Variants in STK11IP observed in about 807,000 individuals in gnomAD.
STK11IP encodes the protein serine/threonine-protein kinase 11-interacting protein.
A neutral mutation model predicts 131.7 loss-of-function variants in STK11IP; 103 were observed. The observed-to-expected ratio is 0.78, with a 90% confidence interval of 0.67 to 0.92. The LOEUF is 0.92. STK11IP is among the 40% of genes least tolerant of loss of function. The probability of loss-of-function intolerance (pLI) is 0.00; values close to 1 mark genes in which losing one functional copy is unlikely to be tolerated. For missense variants in STK11IP, 1,315 were observed against 1,385.7 expected, an observed-to-expected ratio of 0.95 and a Z score of 0.81; for synonymous variants, 557 against 575.6, an observed-to-expected ratio of 0.97 and a Z score of 0.46.
At chr2:219,610,949 G>A (rs1313301114) in intron 17 of STK11IP, among the ~76,000 whole-genome samples, 1 of 152,184 alleles carries the variant, frequency 6.6e-6, no homozygotes, top group East Asian at 1.9e-4. Flanking sequence ...GAGTTTCTCT[G>A]GTGATGAAAT....
intron 21 of STK11IP, 87 bp from the exon 22 acceptor site, chr2:219,614,074 T>C: frequency 1.3e-6 from 2 of 1,554,272 alleles, no homozygotes; most frequent in Non-Finnish European, 1.8e-6. Context: ...TCCAGAAATG[T>C]GGAGAATAGG....
Position 219,614,390 on chromosome 2 carries a change from C to T in STK11IP, c.2799-86C>T. On this transcript the variant is annotated intron_variant, in intron 22 of 24. Coordinates refer to ENST00000456909, the MANE Select transcript of STK11IP (RefSeq NM_052902.4). Reference sequence around the variant, plus strand: ...GGCCCCTAGTGTCTCCTCCCAACCCCCTGCAGGGCTTTCTTCCCACTCCCC... The same window carrying T: ...GGCCCCTAGTGTCTCCTCCCAACCCTCTGCAGGGCTTTCTTCCCACTCCCC... 5 of 1,541,212 alleles carry T rather than the reference C, an allele frequency of 3.2e-6. No homozygotes were observed. In the South Asian group the frequency reaches 4.6e-5, roughly 14 times the overall value.
chr2:219,608,105 C>G lies in STK11IP; in HGVS notation c.1278C>G (p.Phe426Leu). ...TCATGAGCAGCTTCCGGGAACGGTTCGGCCGCAACTGGCTGCAGTACAGGA... is the reference window on the plus strand; with the variant it reads ...TCATGAGCAGCTTCCGGGAACGGTTGGGCCGCAACTGGCTGCAGTACAGGA... ...LELMSSFRER[F>L]GRNWLQYRSH... The change falls in exon 14 of 25, where the codon TTC (phenylalanine) becomes TTG (leucine). Residue 426 changes from phenylalanine (F) to leucine (L), a missense_variant. Transcript: ENST00000456909. 9 of 1,613,068 alleles carry G rather than the reference C, an allele frequency of 5.6e-6. No individual in the cohort carries two copies. Among genetic ancestry groups the G allele is most frequent in the Non-Finnish European group, 7.6e-6 (9 of 1,179,876 alleles).
chr2:219,608,476 G>T (rs761853342), intron 14 of STK11IP, 46 bp downstream of exon 14: 17 of 1,533,456 alleles, frequency 1.1e-5, no homozygotes, highest in African/African-American at 1.4e-5. Flanking sequence ...GGGGCCCTTG[G>T]GATGTTTGTG....
Position 219,601,235 on chromosome 2 carries a change from G to C in STK11IP, c.62G>C (p.Gly21Ala). 6.2e-7 allele frequency: 1 copy of C among 1,604,846 alleles called. No homozygotes were observed. Among genetic ancestry groups the C allele is most frequent in the Non-Finnish European group, 8.5e-7 (1 of 1,173,936 alleles). ...WKLAGLLRES[G>A]DVVLSGCSTL... ...CTCCTGTTTGCCCCTTTTTCTGCAG[G>C]GGATGTGGTCCTGTCTGGCTGTAGC... The change falls in exon 3 of 25, where the codon GGG (glycine) becomes GCG (alanine). Residue 21 changes from glycine (G) to alanine (A), a missense_variant and splice_region_variant. Gly to Ala is a moderately conservative substitution (Grantham distance 60). Coordinates refer to ENST00000456909, the MANE Select transcript of STK11IP (RefSeq NM_052902.4).
intron 4 of STK11IP, 88 bp downstream of exon 4, chr2:219,601,803 G>C: frequency 7.6e-6 from 11 of 1,441,378 alleles, no homozygotes; most frequent in Non-Finnish European, 1.1e-5. Flanking sequence ...TCTTTGGTGA[G>C]GAGGCCAGGC....
chr2:219,609,081 C>T lies in STK11IP; in HGVS notation c.1810-16C>T. On this transcript the variant is annotated splice_polypyrimidine_tract_variant and intron_variant, in intron 15 of 24. Transcript: ENST00000456909. ...GCCCCTGCTGTTTTTCACCCGGTCC[C>T]CCTCTTGCTGCGCAGGGCTCAGATC... The T allele has an allele frequency of 1.3e-6, 2 of 1,561,028 alleles. No individual in the cohort carries two copies. Among genetic ancestry groups the T allele is most frequent in the Non-Finnish European group, 1.7e-6 (2 of 1,147,786 alleles).
chr2:219,610,251 CATG>C, intron 17 of STK11IP: 1 of 153,290 alleles, frequency 6.5e-6, no homozygotes, highest in Non-Finnish European at 1.5e-5. Context: ...CTGGCCTGGG[CATG>C]CAGCCTTAGT....
chr2:219,613,235 AGGGGAGATGCAGTGAGTAAGG>A lies in STK11IP; in HGVS notation c.2537+20_2537+40del. On this transcript the variant is annotated intron_variant, in intron 20 of 24. Coordinates refer to ENST00000456909, the MANE Select transcript of STK11IP (RefSeq NM_052902.4). ...TGACTGGGGAGATGCGGTGAGTGAG[AGGGGAGATGCAGTGAGTAAGG>A]GGGGAGATGGGGTGAGTTGGGGGGA... The A allele has an allele frequency of 8.2e-7, 1 of 1,219,216 alleles. No individual in the cohort carries two copies. Among genetic ancestry groups the A allele is most frequent in the Non-Finnish European group, 1.1e-6 (1 of 880,928 alleles). The allele number at this position is 1,219,216 out of a possible 1,614,324, so 75.5% of individuals were successfully genotyped here.
rs779994407 is a variant in STK11IP at position 219,597,895 on chromosome 2, C to G, written c.-55C>G. 2 of 1,610,364 alleles carry G rather than the reference C, an allele frequency of 1.2e-6. No individual in the cohort carries two copies. The highest frequency in any genetic ancestry group is 3.4e-5 in the Admixed American group (2 of 59,516). On this transcript the variant is annotated 5_prime_UTR_variant, in exon 1 of 25. Transcript: ENST00000456909. The stretch of plus-strand genomic sequence containing the variant: ...CATTGATAGGCGCCGGGCAGCTGAG[C>G]TGGTAGGAGGACCAGACGGGGAGGT...
At chr2:219,614,391 C>T (rs1030926976) in intron 22 of STK11IP, 85 bp from the exon 23 acceptor site, 2 of 1,544,186 alleles carry the variant, frequency 1.3e-6, no homozygotes, top group African/African-American at 1.4e-5. Flanking sequence ...TCCCAACCCC[C>T]TGCAGGGCTT....
Position 219,606,530 on chromosome 2 carries a change from G to T in STK11IP, c.987+13G>T, listed in dbSNP as rs181018339. 3.8e-3 allele frequency: 6,146 copies of T among 1,612,546 alleles called. 12 individuals carry two copies. Among genetic ancestry groups the T allele is most frequent in the Non-Finnish European group, 4.6e-3 (5,463 of 1,179,246 alleles). On this transcript the variant is annotated intron_variant, in intron 11 of 24. Transcript: ENST00000456909. ...GACAGATTTTCAGGTCGGTGTGGTT[G>T]GGGGGCGAGGACTGTTGGGGGAAGA...
intron 13 of STK11IP, 146 bp from the exon 14 acceptor site, chr2:219,607,901 G>C: frequency 9.6e-7 from 1 of 1,047,042 alleles, no homozygotes; most frequent in South Asian, 1.7e-5. Context: ...TTTAGTACAT[G>C]CCGCGGAGGG....
chr2:219,598,295 C>A, intron 2 of STK11IP, 115 bp downstream of exon 2: 1 of 730,356 alleles, frequency 1.4e-6, no homozygotes, highest in South Asian at 2.1e-5. Flanking sequence ...CACCAGGTGT[C>A]AGAGTTCAAT....
Position 219,606,032 on chromosome 2 carries a change from A to G in STK11IP, c.822A>G (p.Pro274=), listed in dbSNP as rs925686855. 3.1e-6 allele frequency: 5 copies of G among 1,607,214 alleles called. No individual in the cohort carries two copies. In the African/African-American group the frequency reaches 6.7e-5, roughly 21 times the overall value. ...TGGAAGGACACCGGGAGCTGTCACCACTGTGGCTGCTGGCTGAGCTCCGCA... is the reference window on the plus strand; with the variant it reads ...TGGAAGGACACCGGGAGCTGTCACCGCTGTGGCTGCTGGCTGAGCTCCGCA... The part of the protein sequence containing the change: ...NLLEGHRELS[P]LWLLAELRKL... Residue 274 remains proline, a synonymous_variant, in exon 9 of 25, where the codon CCA becomes CCG. Transcript: ENST00000456909.
chr2:219,601,583 GT>G, intron 3 of STK11IP, 57 bp from the exon 4 acceptor site: 1 of 1,557,064 alleles, frequency 6.4e-7, no homozygotes, highest in East Asian at 2.4e-5. Context: ...AGGAAGGAAT[GT>G]TGAGGGCAGG....
chr2:219,597,881 G>A lies in STK11IP; in HGVS notation c.-69G>A, dbSNP rs766954256. 1.9e-6 allele frequency: 3 copies of A among 1,606,868 alleles called. No homozygotes were observed. Among genetic ancestry groups the A allele is most frequent in the Non-Finnish European group, 2.5e-6 (3 of 1,176,868 alleles). On this transcript the variant is annotated 5_prime_UTR_variant, in exon 1 of 25. Transcript: ENST00000456909. ...GACTTCCTTTCCATCATTGATAGGC[G>A]CCGGGCAGCTGAGCTGGTAGGAGGA...
rs552718945 is a variant in STK11IP, at chr2:219,608,266, A to G, written c.1439A>G (p.Gln480Arg). The part of the protein sequence containing the change: ...SPPQEEARGP[Q>R]ESPQKMSEEV... ...CCGCAGGAGGAAGCCAGAGGCCCCC[A>G]GGAGTCACCACAGAAAATGTCAGAG... Residue 480 changes from glutamine to arginine, a missense_variant, in exon 14 of 25, where the codon CAG becomes CGG. Physicochemically the swap from Gln to Arg is conservative, Grantham distance 43. Coordinates refer to ENST00000456909, the MANE Select transcript of STK11IP (RefSeq NM_052902.4). The G allele has an allele frequency of 6.8e-6, 11 of 1,613,422 alleles. No individual in the cohort carries two copies. The African/African-American group carries it at 1.3e-4, about 20-fold the overall frequency.
intron 17 of STK11IP, among the ~76,000 whole-genome samples, chr2:219,610,299 C>T (rs1698351825): frequency 6.6e-6 from 1 of 152,240 alleles, no homozygotes; most frequent in African/African-American, 2.4e-5. Flanking sequence ...CCCAGCCCCT[C>T]CCGGACCCTG....
Sources: gnomAD v4.1 joint callset for allele counts (sites outside exome capture counted in the v4.1 genomes callset) on GRCh38, gnomAD v4.1.1 for gene constraint, MANE v1.5 for transcripts, NCBI Gene and HGNC (gene_info 2026-07-23, HGNC 2026-07-21) for gene names.